The following SP140 variants were observed in gnomAD, a reference collection of about 807,000 sequenced individuals.
SP140 encodes nuclear body protein SP140.
A neutral mutation model predicts 125.0 loss-of-function variants in SP140; 81 were observed. The observed-to-expected ratio is 0.65, with a 90% confidence interval of 0.54 to 0.78. The LOEUF is 0.78. Ranked by LOEUF, SP140 falls within the 30% of genes least tolerant of loss-of-function variation. The pLI is 0.00. For missense variants in SP140, 858 were observed against 1,037.0 expected (o/e 0.83, Z 2.37); for synonymous variants, 312 against 354.0 (o/e 0.88, Z 1.33).
At chr2:230,261,288 G>A (rs1419660146) in intron 12 of SP140, among the ~76,000 whole-genome samples, 1 of 152,070 alleles carries the variant, frequency 6.6e-6, no homozygotes, top group Non-Finnish European at 1.5e-5. Flanking sequence ...CTACTGATTT[G>A]TGTACATTAA....
At chr2:230,304,360 A>G (rs1476211096) in intron 22 of SP140, among the ~76,000 whole-genome samples, 1 of 152,214 alleles carries the variant, frequency 6.6e-6, no homozygotes, top group African/African-American at 2.4e-5. Flanking sequence ...TGCAATTCCC[A>G]TCAAAATACC....
At chr2:230,287,080 C>T (rs1360618276) in intron 17 of SP140, among the ~76,000 whole-genome samples, 3 of 152,204 alleles carry the variant, frequency 2.0e-5, no homozygotes, top group African/African-American at 7.2e-5. Context: ...TGCCCATTCA[C>T]AGCCAATTAA....
chr2:230,237,467 G>A lies in SP140; in HGVS notation c.237+207G>A. ...GGGGAGGGCCACAGTGAGGGAGGTG[G>A]GGCAGGAGAGAGAATGGGAATGCTG... On this transcript the variant is annotated intron_variant, in intron 2 of 26. Coordinates refer to ENST00000392045, the MANE Select transcript of SP140 (RefSeq NM_007237.5). This position sits in a 1 kb window ranked among gnomAD's most constrained non-coding sequence, Gnocchi z 5.4. 8 of 519,978 alleles carry A rather than the reference G, an allele frequency of 1.5e-5. No individual in the cohort carries two copies. The highest frequency in any genetic ancestry group is 2.7e-5 in the Non-Finnish European group (8 of 295,736). 32.2% of individuals were successfully genotyped at this position (519,978 alleles called of 1,614,324 possible).
chr2:230,290,875 G>A (rs1241302310), intron 19 of SP140, among the ~76,000 whole-genome samples: 3 of 152,114 alleles, frequency 2.0e-5, no homozygotes, highest in Non-Finnish European at 2.9e-5. Context: ...CCTCAACCTC[G>A]ACCTTCATAT....
At chr2:230,190,495 A>T in the SP140 span, among the ~76,000 whole-genome samples, 1 of 151,992 alleles carries the variant, frequency 6.6e-6, no homozygotes, top group Non-Finnish European at 1.5e-5. Flanking sequence ...TTTTTCTCCC[A>T]TTCTGTAGGT....
intron 22 of SP140, among the ~76,000 whole-genome samples, chr2:230,303,911 A>G (rs1267132191): frequency 1.3e-5 from 2 of 152,244 alleles, no homozygotes; most frequent in Admixed American, 6.5e-5. Flanking sequence ...AGGCAGAGCA[A>G]TCAGACAAGA....
At chr2:230,276,429 T>A (rs557316875) in intron 15 of SP140, among the ~76,000 whole-genome samples, 1 of 152,300 alleles carries the variant, frequency 6.6e-6, no homozygotes, top group Admixed American at 6.5e-5. Context: ...CAACATGGTT[T>A]ACTGAGTATT....
chr2:230,308,653 GGA>G (rs2059046128), intron 22 of SP140, among the ~76,000 whole-genome samples: 1 of 152,246 alleles, frequency 6.6e-6, no homozygotes, highest in African/African-American at 2.4e-5. Context: ...GCTTCCAGAG[GGA>G]GAGTGTGATT....
chr2:230,235,868 G>GTTTTTTTTTT (rs984054259), intron 1 of SP140, among the ~76,000 whole-genome samples: 3 of 77,984 alleles, frequency 3.8e-5, no homozygotes, highest in African/African-American at 5.4e-5. Flanking sequence ...TCTTGTGACT[G>GTTTTTTTTTT]TTTTTTTTTT....
intron 22 of SP140, among the ~76,000 whole-genome samples, chr2:230,302,110 G>T (rs1298882157): frequency 2.6e-5 from 4 of 152,020 alleles, no homozygotes; most frequent in African/African-American, 9.7e-5. Context: ...CCTAACTGTG[G>T]AGTTCCCAAA....
the SP140 span, chr2:230,186,156 G>A: frequency 6.2e-7 from 1 of 1,613,748 alleles, no homozygotes; most frequent in Non-Finnish European, 8.5e-7. Context: ...GGACCAAATA[G>A]ACTTGTGAAT....
At chr2:230,310,593 A>C (rs1575393540) in intron 23 of SP140, 150 bp from the exon 24 acceptor site, 1 of 1,556,886 alleles carries the variant, frequency 6.4e-7, no homozygotes, top group East Asian at 2.3e-5. Context: ...TGGAGACCCC[A>C]TGTGTGAATC....
intron 9 of SP140, among the ~76,000 whole-genome samples, chr2:230,250,623 A>G (rs1318374054): frequency 4.6e-5 from 7 of 152,216 alleles, no homozygotes; most frequent in East Asian, 3.8e-4. Flanking sequence ...TGCAAGAGAA[A>G]AAGGCAGGAG....
At chr2:230,189,739 T>C in the SP140 span, among the ~76,000 whole-genome samples, 1 of 152,184 alleles carries the variant, frequency 6.6e-6, no homozygotes, top group African/African-American at 2.4e-5. Context: ...TTCCCCTCTC[T>C]GTGTCCATGT....
intron 8 of SP140, among the ~76,000 whole-genome samples, chr2:230,248,558 A>T (rs2049857037): frequency 6.6e-6 from 1 of 152,226 alleles, no homozygotes; most frequent in Non-Finnish European, 1.5e-5. Flanking sequence ...GGGATCTAGA[A>T]TAAGAGCTAA....
intron 22 of SP140, among the ~76,000 whole-genome samples, chr2:230,301,334 A>C (rs1027357842): frequency 3.9e-5 from 6 of 152,236 alleles, no homozygotes; most frequent in African/African-American, 1.4e-4. Flanking sequence ...ACTCAGGCAG[A>C]GTCATCAGGT....
chr2:230,194,185 CATGTTTGGGAGCTGG>C, the SP140 span, among the ~76,000 whole-genome samples: 1 of 152,100 alleles, frequency 6.6e-6, no homozygotes, highest in African/African-American at 2.4e-5. Context: ...TGTCCTAATT[CATGTTTGGGAGCTGG>C]GACAAGATCT....
At chr2:230,258,190 C>T (rs2051571934) in intron 12 of SP140, among the ~76,000 whole-genome samples, 1 of 152,132 alleles carries the variant, frequency 6.6e-6, no homozygotes, top group Admixed American at 6.5e-5. Context: ...TCTAAAGCTG[C>T]AGGAGGCACC....
chr2:230,209,090 G>C (rs1006795333), intron 1 of SP140, among the ~76,000 whole-genome samples: 4 of 152,150 alleles, frequency 2.6e-5, no homozygotes, highest in Non-Finnish European at 5.9e-5. Flanking sequence ...GTTAGGATTG[G>C]GCTGGGAAAG....
Sources: allele counts gnomAD v4.1 joint callset (sites outside exome capture counted in the v4.1 genomes callset), GRCh38; gene constraint gnomAD v4.1.1; non-coding constraint Gnocchi (gnomAD v3.1); transcripts MANE v1.5; gene names NCBI Gene and HGNC (gene_info 2026-07-23, HGNC 2026-07-21).